Variants in COMMD1 observed in about 807,000 individuals in gnomAD.
COMMD1 encodes COMM domain-containing protein 1.
COMMD1 carries 10 observed loss-of-function variants against 17.2 expected under a neutral mutation model. The ratio of observed to expected loss-of-function variants is 0.58; its 90% CI spans 0.36 to 0.99. The LOEUF (loss-of-function observed/expected upper bound fraction) is 0.99. COMMD1 is among the 50% of genes least tolerant of loss of function. The pLI, the probability that COMMD1 is intolerant of heterozygous loss-of-function variation, is 0.01. For missense variants in COMMD1, 270 were observed against 231.8 expected (o/e 1.17, Z -1.07); for synonymous variants, 97 against 91.6 (o/e 1.06, Z -0.34).
At chr2:62,062,620 A>G (rs1670894198) in intron 2 of COMMD1, among the ~76,000 whole-genome samples, 1 of 152,150 alleles carries the variant, frequency 6.6e-6, no homozygotes, top group Non-Finnish European at 1.5e-5. Context: ...ACCCAGTAAA[A>G]ACCCTGAGAC....
At chr2:61,966,897 C>T (rs1671519366) in intron 1 of COMMD1, among the ~76,000 whole-genome samples, 1 of 152,074 alleles carries the variant, frequency 6.6e-6, no homozygotes, top group Non-Finnish European at 1.5e-5. Context: ...AAGACCCGGG[C>T]ATACACAACA....
chr2:62,063,167 A>T (rs1670918104), intron 2 of COMMD1, among the ~76,000 whole-genome samples: 1 of 152,168 alleles, frequency 6.6e-6, no homozygotes, highest in South Asian at 2.1e-4. Context: ...CAGTGAGCCG[A>T]GATCGCACCA....
intron 1 of COMMD1, among the ~76,000 whole-genome samples, chr2:61,916,034 G>C (rs575833174): frequency 2.0e-5 from 3 of 152,128 alleles, no homozygotes; most frequent in African/African-American, 7.2e-5. Context: ...GCAGTGGTGT[G>C]CACATGGTTT....
intron 1 of COMMD1, among the ~76,000 whole-genome samples, chr2:61,951,871 A>G (rs1328831335): frequency 1.3e-5 from 2 of 152,238 alleles, no homozygotes; most frequent in African/African-American, 4.8e-5. Context: ...CTAGAGTTTT[A>G]TATAAATGGA....
chr2:62,065,208 G>T (rs1670996704), intron 2 of COMMD1, among the ~76,000 whole-genome samples: 1 of 152,044 alleles, frequency 6.6e-6, no homozygotes, highest in Non-Finnish European at 1.5e-5. Flanking sequence ...ATTTTCCTGG[G>T]TAAGTAGGCG....
intron 1 of COMMD1, among the ~76,000 whole-genome samples, chr2:61,966,934 T>A (rs1356632470): frequency 6.6e-6 from 1 of 152,112 alleles, no homozygotes; most frequent in Non-Finnish European, 1.5e-5. Context: ...TACCGTCAAC[T>A]TGAAGTATTT....
chr2:62,037,425 C>T (rs547469864), intron 2 of COMMD1, among the ~76,000 whole-genome samples: 1 of 152,254 alleles, frequency 6.6e-6, no homozygotes, highest in African/African-American at 2.4e-5. Flanking sequence ...CTCTATGTGG[C>T]CATGATCTTT....
At chr2:61,999,172 GC>G (rs1668851248) in intron 1 of COMMD1, among the ~76,000 whole-genome samples, 1 of 152,162 alleles carries the variant, frequency 6.6e-6, no homozygotes, top group Non-Finnish European at 1.5e-5. Flanking sequence ...AAAGTGAAGT[GC>G]AATAAAGTGA....
At chr2:62,078,792 G>A (rs1286586998) in intron 2 of COMMD1, among the ~76,000 whole-genome samples, 1 of 151,694 alleles carries the variant, frequency 6.6e-6, no homozygotes, top group Non-Finnish European at 1.5e-5. Context: ...CAGGAGAATG[G>A]CGTGAACCCG....
At chr2:62,026,826 T>C (rs1268351695) in intron 2 of COMMD1, among the ~76,000 whole-genome samples, 1 of 152,164 alleles carries the variant, frequency 6.6e-6, no homozygotes, top group African/African-American at 2.4e-5. Context: ...CTGTTAAAGA[T>C]TGTTCTGAAA....
At chr2:62,052,559 G>C (rs1670566252) in intron 2 of COMMD1, among the ~76,000 whole-genome samples, 3 of 152,004 alleles carry the variant, frequency 2.0e-5, no homozygotes, top group African/African-American at 7.3e-5. Flanking sequence ...AAGAAGAAAA[G>C]GTAAAGGTAC....
intron 1 of COMMD1, among the ~76,000 whole-genome samples, chr2:61,951,323 G>C (rs1558533715): frequency 6.6e-6 from 1 of 152,148 alleles, no homozygotes; most frequent in Non-Finnish European, 1.5e-5. Context: ...AATTAGGCAT[G>C]GTGGCGCGTG....
chr2:62,113,503 C>T (rs1227273565), intron 2 of COMMD1, among the ~76,000 whole-genome samples: 1 of 152,176 alleles, frequency 6.6e-6, no homozygotes, highest in Non-Finnish European at 1.5e-5. Flanking sequence ...CCTGCCCCAG[C>T]CTCCTGAGTA....
chr2:61,938,730 TCTCTTCCACTGGTTAAC>T (rs1311992976), intron 1 of COMMD1, among the ~76,000 whole-genome samples: 1 of 152,162 alleles, frequency 6.6e-6, no homozygotes, highest in East Asian at 1.9e-4. Context: ...GTAACTTGGA[TCTCTTCCACTGGTTAAC>T]AGGATGCCAA....
intron 1 of COMMD1, among the ~76,000 whole-genome samples, chr2:61,924,374 C>A (rs532829017): frequency 1.2e-5 from 1 of 86,374 alleles, no homozygotes; most frequent in Admixed American, 1.5e-4. Flanking sequence ...GACTCAGAGT[C>A]GGAGGGGGGA....
chr2:62,119,390 C>T (rs1672685610), intron 2 of COMMD1, among the ~76,000 whole-genome samples: 1 of 152,132 alleles, frequency 6.6e-6, no homozygotes, highest in East Asian at 1.9e-4. Flanking sequence ...CATATATAAA[C>T]AGAGATATAA....
intron 2 of COMMD1, among the ~76,000 whole-genome samples, chr2:62,024,040 T>A (rs894541249): frequency 6.6e-6 from 1 of 152,234 alleles, no homozygotes; most frequent in Non-Finnish European, 1.5e-5. Flanking sequence ...AAATGTTAAT[T>A]GTGGTAAACT....
chr2:62,018,155 A>T (rs1243443434), intron 2 of COMMD1, among the ~76,000 whole-genome samples: 1 of 152,122 alleles, frequency 6.6e-6, no homozygotes, highest in Non-Finnish European at 1.5e-5. Context: ...TATTGATGAA[A>T]GGTGGATTCT....
chr2:61,935,462 C>G (rs1266807750), intron 1 of COMMD1, among the ~76,000 whole-genome samples: 1 of 152,046 alleles, frequency 6.6e-6, no homozygotes, highest in Non-Finnish European at 1.5e-5. Context: ...AACCCCATCT[C>G]TACAAAAATA....
Sources: allele counts gnomAD v4.1 joint callset (sites outside exome capture counted in the v4.1 genomes callset), GRCh38; gene constraint gnomAD v4.1.1; transcripts MANE v1.5; gene names NCBI Gene and HGNC (gene_info 2026-07-23, HGNC 2026-07-21).